The following ABCA4 variants were observed in gnomAD, a reference collection of about 807,000 sequenced individuals.
ABCA4 encodes ATP binding cassette subfamily A member 4, also known as retinal-specific phospholipid-transporting ATPase ABCA4.
Under a neutral mutation model 263.7 loss-of-function variants are expected in ABCA4, and 196 were observed. The observed-to-expected ratio is 0.74, with a 90% CI of 0.66 to 0.84. ABCA4 has a LOEUF of 0.84. Among genes scored for constraint, ABCA4 ranks in the 40% least tolerant of loss-of-function variants. ABCA4 has a pLI of 0.00. For synonymous variants in ABCA4, 1,133 were observed against 1,094.2 expected (o/e 1.04, Z -0.70); for missense variants, 2,792 against 2,855.1 (o/e 0.98, Z 0.50).
intron 1 of ABCA4, among the ~76,000 whole-genome samples, chr1:94,116,647 G>T (rs1662772334): frequency 6.6e-6 from 1 of 152,158 alleles, no homozygotes; most frequent in African/African-American, 2.4e-5. Context: ...GACAGGTCTG[G>T]TTTTCACAAT....
chr1:94,093,524 G>A (rs1476905118), intron 6 of ABCA4, among the ~76,000 whole-genome samples: 1 of 152,218 alleles, frequency 6.6e-6, no homozygotes, highest in East Asian at 1.9e-4. Flanking sequence ...CGCCTAGTGC[G>A]TATTTACTGA....
intron 44 of ABCA4, among the ~76,000 whole-genome samples, chr1:94,003,407 C>T (rs921098130): frequency 6.6e-6 from 1 of 150,734 alleles, no homozygotes; most frequent in Non-Finnish European, 1.5e-5. Flanking sequence ...GATGTTTCCT[C>T]ATGATAAGAT....
At chr1:94,055,859 A>G (rs979394039) in intron 15 of ABCA4, among the ~76,000 whole-genome samples, 1 of 152,240 alleles carries the variant, frequency 6.6e-6, no homozygotes, top group Non-Finnish European at 1.5e-5. Flanking sequence ...GTCTTTTCCC[A>G]GTGAGGGCAG....
At chr1:94,019,019 G>GTTTTTTTTTTTTT (rs757258025) in intron 36 of ABCA4, among the ~76,000 whole-genome samples, 9 of 76,436 alleles carry the variant, frequency 1.2e-4, no homozygotes, top group African/African-American at 4.9e-4. Context: ...AAACAACCAG[G>GTTTTTTTTTTTTT]TTTTTTTTTT....
intron 30 of ABCA4, among the ~76,000 whole-genome samples, chr1:94,027,933 C>T (rs1420662470): frequency 2.0e-5 from 3 of 152,314 alleles, no homozygotes; most frequent in African/African-American, 2.4e-5. Context: ...AATAGAACAT[C>T]GTGCACCACC....
At chr1:94,046,633 G>A (rs1016060186) in intron 19 of ABCA4, among the ~76,000 whole-genome samples, 2 of 151,984 alleles carry the variant, frequency 1.3e-5, no homozygotes, top group South Asian at 2.1e-4. Context: ...TTTTGCCCCC[G>A]CTGAGCCATG....
Position 94,037,351 on chromosome 1 carries a change from C to G in ABCA4, c.3608-1G>C. The G allele has an allele frequency of 6.2e-7, 1 of 1,613,914 alleles. No homozygotes were observed. Among genetic ancestry groups the G allele is most frequent in the Non-Finnish European group, 8.5e-7 (1 of 1,179,990 alleles). ...ACATCCATCAGCTCATTTACATCCC[C>G]TAGGACAAGAAAAAAGACTGATGCC... On this transcript the variant is annotated splice_acceptor_variant, in intron 24 of 49. Transcript: ENST00000370225. LOFTEE classifies it high-confidence loss of function.
Position 94,037,248 on chromosome 1 carries a change from T to C in ABCA4, c.3710A>G (p.Asn1237Ser). 5 of 1,614,222 alleles carry C rather than the reference T, an allele frequency of 3.1e-6. No individual in the cohort carries two copies. Among genetic ancestry groups the C allele is most frequent in the Non-Finnish European group, 4.2e-6 (5 of 1,180,036 alleles). Reference protein sequence around the residue: ...QELIFLLPNKNFKHRAYASLF... With the variant: ...QELIFLLPNKSFKHRAYASLF... ...GCTGGCATATGCTCTGTGCTTGAAGTTCTTATTTGGAAGAAGGAAGATAAG... is the reference window on the plus strand; with the variant it reads ...GCTGGCATATGCTCTGTGCTTGAAGCTCTTATTTGGAAGAAGGAAGATAAG... Residue 1237 changes from asparagine (N) to serine (S), a missense_variant, in exon 25 of 50, where the codon AAC becomes AGC. By Grantham distance (46) the Asn-to-Ser change is conservative (BLOSUM62 1). Coordinates refer to ENST00000370225, the MANE Select transcript of ABCA4 (RefSeq NM_000350.3).
chr1:94,008,739 C>T lies in ABCA4; in HGVS notation c.5835+12G>A. 6.2e-7 allele frequency: 1 copy of T among 1,613,892 alleles called. No individual in the cohort carries two copies. The highest frequency in any genetic ancestry group is 8.5e-7 in the Non-Finnish European group (1 of 1,179,978). On this transcript the variant is annotated intron_variant, in intron 41 of 49. Coordinates refer to ENST00000370225, the MANE Select transcript of ABCA4 (RefSeq NM_000350.3). Reference sequence around the variant, plus strand: ...CTAACCAGCACCTCCAAACTCATACCCATTCCCTTACCTTGGTTAGTTCAT... The same window carrying T: ...CTAACCAGCACCTCCAAACTCATACTCATTCCCTTACCTTGGTTAGTTCAT...
chr1:94,078,812 C>T (rs1300999362), intron 9 of ABCA4, 106 bp from the exon 10 acceptor site: 1 of 838,146 alleles, frequency 1.2e-6, no homozygotes, highest in Non-Finnish European at 2.1e-6. Flanking sequence ...TAGGGAAAGG[C>T]TTTTCAAGGA....
At chr1:94,111,011 A>C (rs1662585826) in intron 3 of ABCA4, among the ~76,000 whole-genome samples, 1 of 152,202 alleles carries the variant, frequency 6.6e-6, no homozygotes, top group African/African-American at 2.4e-5. Context: ...ATGCTCCCTG[A>C]CATTTTTCCT....
chr1:94,021,898 T>TC lies in ABCA4; in HGVS notation c.4720dup (p.Glu1574GlyfsTer23). ...GTCGCTTAAAAACCCAACAAGTGCT[T>TC]CCCCCGTGATGGGGACGACTGGGAG... On this transcript the variant is annotated frameshift_variant, in exon 33 of 50. Coordinates refer to ENST00000370225, the MANE Select transcript of ABCA4 (RefSeq NM_000350.3). LOFTEE classifies it high-confidence loss of function. 1 of 1,614,052 alleles carries TC rather than the reference T, an allele frequency of 6.2e-7. No homozygotes were observed. Among genetic ancestry groups the TC allele is most frequent in the Non-Finnish European group, 8.5e-7 (1 of 1,179,992 alleles).
rs1347829732 is a variant in ABCA4 at position 94,062,761 on chromosome 1, GAC to G, written c.1761-10_1761-9del. 6.2e-7 allele frequency: 1 copy of G among 1,613,050 alleles called. No individual in the cohort carries two copies. Among genetic ancestry groups the G allele is most frequent in the Non-Finnish European group, 8.5e-7 (1 of 1,179,740 alleles). ...GGACCAGAATCCCAATACCTGAGAAGACACAGAGGGACAAAGGATGGGAACGG... is the reference window on the plus strand; with the variant it reads ...GGACCAGAATCCCAATACCTGAGAAGACAGAGGGACAAAGGATGGGAACGG... On this transcript the variant is annotated splice_polypyrimidine_tract_variant and intron_variant, in intron 12 of 49. Transcript: ENST00000370225.
At position 94,010,924 on chromosome 1, in the gene ABCA4, C is replaced by A; in HGVS notation, c.5590G>T (p.Glu1864Ter). 6.2e-7 allele frequency: 1 copy of A among 1,614,090 alleles called. No individual in the cohort carries two copies. The highest frequency in any genetic ancestry group is 1.1e-5 in the South Asian group (1 of 91,078). ...VTDVYARFGE[E>*]HSANPFHWDL... ...CAGTGGAACGGATTTGCAGAGTGCTCCTCACCTGGGCATCAACAGGAATTG... is the reference window on the plus strand; with the variant it reads ...CAGTGGAACGGATTTGCAGAGTGCTACTCACCTGGGCATCAACAGGAATTG... The change falls in exon 40 of 50, where the codon GAG becomes TAG. Residue 1864 changes from glutamate to a stop codon, truncating the protein, a stop_gained. Transcript: ENST00000370225. LOFTEE classifies it high-confidence loss of function.
chr1:94,058,982 G>A (rs74102099), intron 14 of ABCA4, among the ~76,000 whole-genome samples: 191 of 152,288 alleles, frequency 1.3e-3, no homozygotes, highest in African/African-American at 4.2e-3. Flanking sequence ...CCCTGTTTCC[G>A]TCATCACTGG....
intron 1 of ABCA4, among the ~76,000 whole-genome samples, chr1:94,115,725 T>TGCACGCC (rs1662741027): frequency 6.6e-6 from 1 of 152,134 alleles, no homozygotes; most frequent in Admixed American, 6.5e-5. Context: ...ACATGAGCCA[T>TGCACGCC]TTGTTATTGC....
Position 93,997,991 on chromosome 1 carries a change from TC to T in ABCA4, c.6598del (p.Glu2200ArgfsTer47). 3 of 1,614,114 alleles carry T rather than the reference TC, an allele frequency of 1.9e-6. No homozygotes were observed. Among genetic ancestry groups the T allele is most frequent in the Non-Finnish European group, 2.5e-6 (3 of 1,180,010 alleles). On this transcript the variant is annotated frameshift_variant, in exon 48 of 50. Transcript: ENST00000370225. LOFTEE classifies it high-confidence loss of function. ...QGNFPGSVQR[E>X]RHYNMLQFQV... ...GAACTGGAGCATGTTGTAGTGCCTC[TC>T]CCTCTGCACACTGCCTGGGAAGTTC...
At chr1:94,110,881 T>C (rs1341801525) in intron 3 of ABCA4, among the ~76,000 whole-genome samples, 9 of 151,662 alleles carry the variant, frequency 5.9e-5, no homozygotes, top group Admixed American at 4.6e-4. Flanking sequence ...ACCCGAGCCA[T>C]ATTCCGAGAT....
At chr1:94,062,799 C>T (rs1229385219) in intron 12 of ABCA4, 46 bp from the exon 13 acceptor site, 2 of 1,593,954 alleles carry the variant, frequency 1.3e-6, no homozygotes, top group African/African-American at 2.7e-5. Flanking sequence ...GCTTGGATAG[C>T]TCACTCACAC....
Sources: gnomAD v4.1 joint callset for allele counts (sites outside exome capture counted in the v4.1 genomes callset) on GRCh38, gnomAD v4.1.1 for gene constraint, MANE v1.5 for transcripts, NCBI Gene and HGNC (gene_info 2026-07-23, HGNC 2026-07-21) for gene names.